The following PRKCA variants were observed in gnomAD, a reference collection of about 807,000 sequenced individuals.
PRKCA encodes the protein protein kinase C alpha.
A neutral mutation model predicts 87.0 loss-of-function variants in PRKCA; 27 were observed. The observed-to-expected ratio is 0.31, with a 90% CI of 0.23 to 0.43. The LOEUF (loss-of-function observed/expected upper bound fraction) is 0.43. Among genes scored for constraint, PRKCA ranks in the 20% least tolerant of loss-of-function variants. The pLI is 1.00. For missense variants in PRKCA, 518 were observed against 852.3 expected, an observed-to-expected ratio of 0.61 and a Z score of 4.88; for synonymous variants, 329 against 311.1, an observed-to-expected ratio of 1.06 and a Z score of -0.61.
intron 3 of PRKCA, among the ~76,000 whole-genome samples, chr17:66,506,321 GATCTGGCCTAGGC>G (rs1367299882): frequency 6.6e-6 from 1 of 151,654 alleles, no homozygotes; most frequent in Non-Finnish European, 1.5e-5. Context: ...ATTTACTTGG[GATCTGGCCTAGGC>G]AACATAGCGA....
intron 13 of PRKCA, among the ~76,000 whole-genome samples, chr17:66,758,124 T>G (rs1382584611): frequency 1.3e-5 from 2 of 152,196 alleles, no homozygotes; most frequent in African/African-American, 4.8e-5. Flanking sequence ...CCACCACCCA[T>G]AGCCCCCTGC....
intron 3 of PRKCA, among the ~76,000 whole-genome samples, chr17:66,552,817 G>A (rs1156347732): frequency 1.3e-5 from 2 of 152,160 alleles, no homozygotes; most frequent in East Asian, 1.9e-4. Flanking sequence ...AGGCAGGGAC[G>A]CACTGAGAGC....
chr17:66,801,575 C>T (rs1248329516), intron 16 of PRKCA, among the ~76,000 whole-genome samples: 1 of 152,204 alleles, frequency 6.6e-6, no homozygotes, highest in Non-Finnish European at 1.5e-5. Context: ...ATTTATTTTT[C>T]AAAGAGCCTT....
intron 14 of PRKCA, among the ~76,000 whole-genome samples, chr17:66,780,495 G>T (rs1975178281): frequency 6.6e-6 from 1 of 152,100 alleles, no homozygotes; most frequent in Non-Finnish European, 1.5e-5. Context: ...GGCCAAGATG[G>T]TGAAACCCCA....
At chr17:66,764,562 C>T (rs1473432550) in intron 13 of PRKCA, among the ~76,000 whole-genome samples, 1 of 152,200 alleles carries the variant, frequency 6.6e-6, no homozygotes, top group Non-Finnish European at 1.5e-5. Context: ...TCCTGACATT[C>T]CCCCAAGCAG....
intron 5 of PRKCA, among the ~76,000 whole-genome samples, chr17:66,682,453 C>T (rs1049406552): frequency 2.0e-5 from 3 of 152,282 alleles, no homozygotes; most frequent in Non-Finnish European, 4.4e-5. Flanking sequence ...GTCTCCTCCT[C>T]ATAAAGGCTG....
chr17:66,743,763 A>T (rs1974207759), intron 13 of PRKCA, among the ~76,000 whole-genome samples: 1 of 152,172 alleles, frequency 6.6e-6, no homozygotes, highest in Non-Finnish European at 1.5e-5. Flanking sequence ...GAGCCCTCAG[A>T]TGAGCTGTTG....
At chr17:66,321,902 A>G (rs1381078313) in intron 2 of PRKCA, among the ~76,000 whole-genome samples, 2 of 152,052 alleles carry the variant, frequency 1.3e-5, no homozygotes, top group Admixed American at 1.3e-4. Context: ...TGTTCCATGA[A>G]CTCAGACTCA....
At chr17:66,716,516 T>C (rs78121420) in intron 8 of PRKCA, among the ~76,000 whole-genome samples, 6,714 of 152,182 alleles carry the variant, frequency 0.044, 192 homozygotes, top group Non-Finnish European at 0.062. Context: ...GGAATCCTCA[T>C]GTAAGCCTGG....
chr17:66,571,521 G>A (rs191751830), intron 3 of PRKCA, among the ~76,000 whole-genome samples: 1 of 152,200 alleles, frequency 6.6e-6, no homozygotes, highest in Admixed American at 6.5e-5. Context: ...AGTTAATTTG[G>A]TGGAACCTTT....
At chr17:66,705,615 G>A (rs543208579) in intron 8 of PRKCA, among the ~76,000 whole-genome samples, 1 of 152,192 alleles carries the variant, frequency 6.6e-6, no homozygotes, top group Non-Finnish European at 1.5e-5. Context: ...AGAAATATTA[G>A]TTAATATCAC....
chr17:66,323,158 T>C lies in PRKCA; in HGVS notation c.205+17031T>C, dbSNP rs150413036. Among the ~76,000 whole-genome samples the C allele has an allele frequency of 5.9e-3, 900 of 152,316 alleles. 4 individuals carry two copies. The highest frequency in any genetic ancestry group is 0.01 in the Non-Finnish European group (707 of 68,036). ...ATCTCCTCCTTTTCCTTATAATTTATCTGGGGGAGTACCTGACTTCTTTTG... is the reference window on the plus strand; with the variant it reads ...ATCTCCTCCTTTTCCTTATAATTTACCTGGGGGAGTACCTGACTTCTTTTG... On this transcript the variant is annotated intron_variant, in intron 2 of 16. Coordinates refer to ENST00000413366, the MANE Select transcript of PRKCA (RefSeq NM_002737.3).
At chr17:66,354,995 T>A (rs1907965848) in intron 2 of PRKCA, among the ~76,000 whole-genome samples, 1 of 152,208 alleles carries the variant, frequency 6.6e-6, no homozygotes, top group South Asian at 2.1e-4. Context: ...CATTTTGTCA[T>A]CCTATGATGA....
intron 3 of PRKCA, among the ~76,000 whole-genome samples, chr17:66,567,672 A>G (rs977674106): frequency 2.6e-5 from 4 of 152,326 alleles, no homozygotes; most frequent in African/African-American, 9.6e-5. Flanking sequence ...TTTCATGGAA[A>G]TAAAAAGCCC....
At chr17:66,570,029 G>A (rs1157235355) in intron 3 of PRKCA, among the ~76,000 whole-genome samples, 1 of 152,134 alleles carries the variant, frequency 6.6e-6, no homozygotes, top group Non-Finnish European at 1.5e-5. Flanking sequence ...GGATTTTTTT[G>A]TATAATCCTA....
At chr17:66,774,512 T>C in intron 14 of PRKCA, 1 of 694,760 alleles carries the variant, frequency 1.4e-6, no homozygotes, top group Admixed American at 5.1e-5. Flanking sequence ...ACTCAGCTAC[T>C]TGAGCTACTG....
At chr17:66,756,716 C>T (rs1464816503) in intron 13 of PRKCA, among the ~76,000 whole-genome samples, 1 of 151,970 alleles carries the variant, frequency 6.6e-6, no homozygotes, top group East Asian at 1.9e-4. Flanking sequence ...GGCTGGAGTC[C>T]AGTAGCATGA....
chr17:66,354,048 T>C (rs28755894), intron 2 of PRKCA, among the ~76,000 whole-genome samples: 6,908 of 152,256 alleles, frequency 0.045, 357 homozygotes, highest in African/African-American at 0.13. Flanking sequence ...GGGAATCAGA[T>C]TCCTTCAAAT....
chr17:66,724,610 C>A (rs1413592603), intron 8 of PRKCA, among the ~76,000 whole-genome samples: 4 of 152,218 alleles, frequency 2.6e-5, no homozygotes, highest in Non-Finnish European at 5.9e-5. Flanking sequence ...TGTGTTTCTG[C>A]ATTTCATCCT....
Sources: allele counts gnomAD v4.1 joint callset (sites outside exome capture counted in the v4.1 genomes callset), GRCh38; gene constraint gnomAD v4.1.1; transcripts MANE v1.5; gene names NCBI Gene and HGNC (gene_info 2026-07-23, HGNC 2026-07-21).